Variants in WDR81 observed in about 807,000 individuals in gnomAD.
WDR81 encodes WD repeat-containing protein 81.
A neutral mutation model predicts 140.8 loss-of-function variants in WDR81; 92 were observed. The observed-to-expected ratio is 0.65, with a 90% CI of 0.55 to 0.78. The LOEUF is 0.78. Ranked by LOEUF, WDR81 falls within the 30% of genes least tolerant of loss-of-function variation. The probability of loss-of-function intolerance (pLI) is 0.00; values close to 1 mark genes in which losing one functional copy is unlikely to be tolerated. For missense variants in WDR81, 2,502 were observed against 2,636.4 expected, an observed-to-expected ratio of 0.95 and a Z score of 1.12; for synonymous variants, 1,183 against 1,156.4, an observed-to-expected ratio of 1.02 and a Z score of -0.47.
At position 1,725,813 on chromosome 17, in the gene WDR81, C is replaced by G; in HGVS notation, c.854C>G (p.Ser285Cys). 1 of 1,550,734 alleles carries G rather than the reference C, an allele frequency of 6.4e-7. No homozygotes were observed. The highest frequency in any genetic ancestry group is 8.7e-7 in the Non-Finnish European group (1 of 1,146,978). Residue 285 changes from serine (S) to cysteine (C), a missense_variant, in exon 1 of 10, where the codon TCT (serine) becomes TGT (cysteine). Around this residue, in one of 3 missense-constraint regions of WDR81, gnomAD observed 547 missense variants for 513.8 expected, o/e 1.06. Transcript: ENST00000409644. Reference sequence around the variant, plus strand: ...CAGGGGCTGGCGTGTGGGGCCCTGTCTTTGTATCACATCGCAGTGGATGAG... The same window carrying G: ...CAGGGGCTGGCGTGTGGGGCCCTGTGTTTGTATCACATCGCAGTGGATGAG... ...HRQGLACGALSLYHIAVDEKL... is the reference protein window; with the variant it reads ...HRQGLACGALCLYHIAVDEKL...
At chr17:1,730,099 G>T (rs1365450256) in intron 1 of WDR81, among the ~76,000 whole-genome samples, 1 of 152,216 alleles carries the variant, frequency 6.6e-6, no homozygotes, top group Non-Finnish European at 1.5e-5. Context: ...GCCAGGGCCG[G>T]GCCAGGCCTT....
chr17:1,735,535 G>A lies in WDR81; in HGVS notation c.5180-37G>A. ...AGCTCCCAGGGCTCTTCCGTCAGCT[G>A]CTGGGACCCCAGATCCACTGTGACT... On this transcript the variant is annotated intron_variant, in intron 7 of 9. Coordinates refer to ENST00000409644, the MANE Select transcript of WDR81 (RefSeq NM_001163809.2). This position sits in a 1 kb window ranked among gnomAD's most constrained non-coding sequence, Gnocchi z 4.2. 1 of 1,549,976 alleles carries A rather than the reference G, an allele frequency of 6.5e-7. No homozygotes were observed. Among genetic ancestry groups the A allele is most frequent in the South Asian group, 1.2e-5 (1 of 82,314 alleles).
chr17:1,734,596 T>C (rs1029582322), intron 7 of WDR81, among the ~76,000 whole-genome samples: 4 of 151,752 alleles, frequency 2.6e-5, no homozygotes, highest in East Asian at 2.0e-4. Context: ...CTGGCTAACA[T>C]GGTGAAACCC....
chr17:1,736,175 T>C lies in WDR81; in HGVS notation c.5462T>C (p.Leu1821Pro). 6.3e-7 allele frequency: 1 copy of C among 1,599,858 alleles called. No homozygotes were observed. Among genetic ancestry groups the C allele is most frequent in the Non-Finnish European group, 8.5e-7 (1 of 1,179,654 alleles). The change falls in exon 9 of 10, where the codon CTG becomes CCG. Residue 1821 changes from leucine (L) to proline (P), a missense_variant. By Grantham distance (98) the Leu-to-Pro change is moderately conservative. Coordinates refer to ENST00000409644, the MANE Select transcript of WDR81 (RefSeq NM_001163809.2). ...VLLDTRTGLV[L>P]RGWPAHEGDI... ...CTGGACACCCGCACAGGCCTGGTTC[T>C]GCGAGGCTGGCCAGCCCACGAGGGG...
chr17:1,734,278 AAGGGG>A, intron 7 of WDR81, 62 bp downstream of exon 7: 1 of 1,463,842 alleles, frequency 6.8e-7, no homozygotes, highest in Non-Finnish European at 9.0e-7. Flanking sequence ...GGCCTCCAGG[AAGGGG>A]GCCCGAGGGT....
At position 1,725,851 on chromosome 17, in the gene WDR81, G is replaced by T. The variant is rs1915206858; in HGVS notation, c.892G>T (p.Glu298Ter). The change falls in exon 1 of 10, where the codon GAG (glutamate) becomes TAG (stop). Residue 298 changes from glutamate to a stop codon, truncating the protein, a stop_gained. Transcript: ENST00000409644. LOFTEE classifies it high-confidence loss of function. ...HIAVDEKLCSELRLDLSAYER... is the reference protein window; with the variant it reads ...HIAVDEKLCS Reference sequence around the variant, plus strand: ...CGCAGTGGATGAGAAGCTTTGCAGCGAGCTGCGACTGGACCTGAGTGCTTA... The same window carrying T: ...CGCAGTGGATGAGAAGCTTTGCAGCTAGCTGCGACTGGACCTGAGTGCTTA... The T allele has an allele frequency of 6.4e-7, 1 of 1,550,578 alleles. No homozygotes were observed. Among genetic ancestry groups the T allele is most frequent in the South Asian group, 1.2e-5 (1 of 84,070 alleles).
At chr17:1,720,232 C>T (rs114159964), upstream of WDR81, among the ~76,000 whole-genome samples, 1,211 of 152,214 alleles carry the variant, frequency 8.0e-3, 14 homozygotes, top group African/African-American at 0.028. Context: ...CATGACCTCC[C>T]GGAAACCCAA....
chr17:1,726,662 T>C lies in WDR81; in HGVS notation c.1703T>C (p.Leu568Pro), dbSNP rs759255152. 1.3e-6 allele frequency: 2 copies of C among 1,550,126 alleles called. No individual in the cohort carries two copies. Among genetic ancestry groups the C allele is most frequent in the South Asian group, 2.4e-5 (2 of 84,056 alleles). Residue 568 changes from leucine (L) to proline (P), a missense_variant, in exon 1 of 10, where the codon CTG becomes CCG. Physicochemically the swap from Leu to Pro is moderately conservative, Grantham distance 98. Coordinates refer to ENST00000409644, the MANE Select transcript of WDR81 (RefSeq NM_001163809.2). The stretch of plus-strand genomic sequence containing the variant: ...AAGGAAAAGAATGTGTGTCTGCACC[T>C]GGTGGACGCCCACACTCACCTGGCC... ...AVKEKNVCLH[L>P]VDAHTHLASY...
upstream of WDR81, among the ~76,000 whole-genome samples, chr17:1,723,420 T>TGG (rs1914985426): frequency 6.7e-6 from 1 of 148,810 alleles, no homozygotes; most frequent in South Asian, 2.1e-4. Context: ...TTTATTTATT[T>TGG]TTATTTATTT....
Position 1,727,440 on chromosome 17 carries a change from G to C in WDR81, c.2481G>C (p.Gln827His). Residue 827 changes from glutamine (Q) to histidine (H), a missense_variant, in exon 1 of 10, where the codon CAG becomes CAC. Physicochemically the swap from Gln to His is conservative, Grantham distance 24 (BLOSUM62 0). Transcript: ENST00000409644. ...SLQPVLDTLL[Q>H]MSGPEVPMGA... ...AGCCCGTGCTGGACACACTCCTGCA[G>C]ATGAGTGGCCCCGAAGTCCCCATGG... The C allele has an allele frequency of 1.9e-6, 3 of 1,550,410 alleles. No homozygotes were observed. Among genetic ancestry groups the C allele is most frequent in the Non-Finnish European group, 2.6e-6 (3 of 1,146,984 alleles).
chr17:1,737,258 G>T, intron 9 of WDR81, 107 bp from the exon 10 acceptor site: 1 of 1,167,290 alleles, frequency 8.6e-7, no homozygotes, highest in Non-Finnish European at 1.2e-6. Flanking sequence ...ACCCAGGACG[G>T]CCTGTCTCCC....
chr17:1,732,348 G>A lies in WDR81; in HGVS notation c.4181G>A (p.Arg1394Gln), dbSNP rs1396537736. Residue 1394 changes from arginine (R) to glutamine (Q), a missense_variant, in exon 5 of 10, where the codon CGG becomes CAG. Coordinates refer to ENST00000409644, the MANE Select transcript of WDR81 (RefSeq NM_001163809.2). The part of the protein sequence containing the change: ...VTGFPSGAQA[R>Q]TILCVKTISL... ...AGGTTCCCAAGTGGGGCCCAGGCTC[G>A]GACCATCCTGTGTGTGAAAACCATC... is the stretch of plus-strand genomic sequence containing the variant. The A allele has an allele frequency of 1.9e-6, 3 of 1,613,160 alleles. No individual in the cohort carries two copies.
chr17:1,725,288 T>A lies in WDR81; in HGVS notation c.329T>A (p.Leu110Gln), dbSNP rs1263744744. 2 of 1,547,068 alleles carry A rather than the reference T, an allele frequency of 1.3e-6. No individual in the cohort carries two copies. The highest frequency in any genetic ancestry group is 1.7e-6 in the Non-Finnish European group (2 of 1,146,954). ...AGWTRVEVHG[L>Q]RKRRLSYPLG... Reference sequence around the variant, plus strand: ...TGGACGCGCGTGGAGGTGCATGGGCTGCGGAAGCGGAGACTGTCCTACCCT... The same window carrying A: ...TGGACGCGCGTGGAGGTGCATGGGCAGCGGAAGCGGAGACTGTCCTACCCT... The change falls in exon 1 of 10, where the codon CTG becomes CAG. Residue 110 changes from leucine (L) to glutamine (Q), a missense_variant. Leu to Gln is a moderately radical substitution (Grantham distance 113, BLOSUM62 -2). Around this residue, in one of 3 missense-constraint regions of WDR81, gnomAD observed 547 missense variants for 513.8 expected, o/e 1.06. Coordinates refer to ENST00000409644, the MANE Select transcript of WDR81 (RefSeq NM_001163809.2).
chr17:1,726,271 C>T lies in WDR81; in HGVS notation c.1312C>T (p.Pro438Ser), dbSNP rs1194718162. Residue 438 changes from proline (P) to serine (S), a missense_variant, in exon 1 of 10, where the codon CCC becomes TCC. By Grantham distance (74) the Pro-to-Ser change is moderately conservative. Around this residue, in one of 3 missense-constraint regions of WDR81, gnomAD observed 218 missense variants for 279.6 expected, o/e 0.78. Transcript: ENST00000409644. Reference protein sequence around the residue: ...GAGGGEPPHVPHHISDVLSDI... With the variant: ...GAGGGEPPHVSHHISDVLSDI... ...GGGCGGCGGGGAACCCCCTCATGTT[C>T]CCCACCACATCTCAGACGTGCTCTC... 2.3e-5 allele frequency: 36 copies of T among 1,538,556 alleles called. No individual in the cohort carries two copies. The highest frequency in any genetic ancestry group is 3.2e-5 in the Non-Finnish European group (36 of 1,140,214).
Position 1,738,068 on chromosome 17 carries a change from C to T in WDR81, c.*383C>T, listed in dbSNP as rs913008804. On this transcript the variant is annotated 3_prime_UTR_variant, in exon 10 of 10. Transcript: ENST00000409644. Reference sequence around the variant, plus strand: ...CCAGCCGGTCTCTAGCCCCTCAGCCCCCGCTGGGCACTCTCTGTCCCATCC... The same window carrying T: ...CCAGCCGGTCTCTAGCCCCTCAGCCTCCGCTGGGCACTCTCTGTCCCATCC... The T allele has an allele frequency of 2.6e-5, 8 of 305,290 alleles. No homozygotes were observed. Among genetic ancestry groups the T allele is most frequent in the Non-Finnish European group, 4.3e-5 (7 of 161,842 alleles). 18.9% of individuals were successfully genotyped at this position (305,290 alleles called of 1,614,324 possible).
In WDR81 at chr17:1,726,182, AGG is replaced by A; in HGVS notation, c.1227_1228del (p.Asp410Ter). 6.6e-7 allele frequency: 1 copy of A among 1,519,720 alleles called. No individual in the cohort carries two copies. Among genetic ancestry groups the A allele is most frequent in the Admixed American group, 2.0e-5 (1 of 48,818 alleles). The allele number at this position is 1,519,720 out of a possible 1,614,324, so 94.1% of individuals were successfully genotyped here. A position where few individuals can be genotyped will look rare whatever the true frequency, so the allele number is the denominator to read the frequency against. On this transcript the variant is annotated frameshift_variant, in exon 1 of 10. Coordinates refer to ENST00000409644, the MANE Select transcript of WDR81 (RefSeq NM_001163809.2). LOFTEE classifies it high-confidence loss of function. Reference sequence around the variant, plus strand: ...CGCAAGTCCAAGTTCCGCCTCAACAAGGGGGATAAGCAACTGGACTTCACGTA... The same window carrying A: ...CGCAAGTCCAAGTTCCGCCTCAACAAGGGATAAGCAACTGGACTTCACGTA...
At position 1,727,740 on chromosome 17, in the gene WDR81, C is replaced by G. The variant is rs771048619; in HGVS notation, c.2781C>G (p.Phe927Leu). The change falls in exon 1 of 10, where the codon TTC (phenylalanine) becomes TTG (leucine). Residue 927 changes from phenylalanine (F) to leucine (L), a missense_variant. Physicochemically the swap from Phe to Leu is conservative, Grantham distance 22. Transcript: ENST00000409644. Reference sequence around the variant, plus strand: ...AGGGCCTGGAGATCCTGCTGCCCTTCGTGCTCTCACTCATGTCCGAGGAGC... The same window carrying G: ...AGGGCCTGGAGATCCTGCTGCCCTTGGTGCTCTCACTCATGTCCGAGGAGC... Reference protein sequence around the residue: ...TPEGLEILLPFVLSLMSEEHT... With the variant: ...TPEGLEILLPLVLSLMSEEHT... 6.4e-7 allele frequency: 1 copy of G among 1,550,684 alleles called. No homozygotes were observed. The highest frequency in any genetic ancestry group is 2.0e-5 in the Admixed American group (1 of 51,002).
rs753526124 is a variant in WDR81 at position 1,727,592 on chromosome 17, C to T, written c.2633C>T (p.Pro878Leu). Residue 878 changes from proline to leucine, a missense_variant, in exon 1 of 10, where the codon CCG (proline) becomes CTG (leucine). Transcript: ENST00000409644. ...GTGGTTCCCTTCCCACCCTACTTCC[C>T]GGCACTGCACAGATTCATCCTCCTG... ...SSVVPFPPYF[P>L]ALHRFILLYQ... 8.8e-5 allele frequency: 137 copies of T among 1,550,436 alleles called. No individual in the cohort carries two copies. In the African/African-American group the frequency reaches 9.4e-4, roughly 11 times the overall value.
exon 1 of WDR81, chr17:1,716,621 C>T: frequency 1.3e-6 from 2 of 1,551,714 alleles, no homozygotes; most frequent in South Asian, 1.2e-5. Flanking sequence ...GTTCCCAGAA[C>T]CCAGCGCGCT....
Sources: allele counts gnomAD v4.1 joint callset (sites outside exome capture counted in the v4.1 genomes callset), GRCh38; gene constraint gnomAD v4.1.1; regional missense constraint gnomAD v4.1.1; non-coding constraint Gnocchi (gnomAD v3.1); transcripts MANE v1.5; gene names NCBI Gene and HGNC (gene_info 2026-07-23, HGNC 2026-07-21).